Variants in THSD4 observed in about 807,000 individuals in gnomAD.
THSD4 encodes thrombospondin type-1 domain-containing protein 4.
In THSD4, 69 loss-of-function variants were observed where a neutral mutation model predicts 119.0. The ratio of observed to expected loss-of-function variants is 0.58; its 90% confidence interval spans 0.48 to 0.71. The LOEUF (loss-of-function observed/expected upper bound fraction) is 0.71, where lower values mean the gene tolerates loss of function less well. THSD4 is among the 30% of genes least tolerant of loss of function. The pLI is 0.00. For synonymous variants in THSD4, 524 were observed against 540.4 expected (o/e 0.97, Z 0.42); for missense variants, 1,393 against 1,391.1 (o/e 1.00, Z -0.02).
intron 7 of THSD4, among the ~76,000 whole-genome samples, chr15:71,570,335 G>A (rs1301530141): frequency 2.0e-5 from 3 of 152,164 alleles, no homozygotes; most frequent in African/African-American, 4.8e-5. Context: ...ATTTTTATAT[G>A]AGGAAAGTAA....
In THSD4 at chr15:71,276,592, A is replaced by G. The variant is rs145422408; in HGVS notation, c.1015+19877A>G. Among the ~76,000 whole-genome samples the G allele has an allele frequency of 3.9e-5, 6 of 152,262 alleles. No homozygotes were observed. The East Asian group carries it at 5.8e-4, about 15-fold the overall frequency. On this transcript the variant is annotated intron_variant, in intron 6 of 17. Transcript: ENST00000261862. ...TCTTTGCCAGTTCTATGGTTTTTCAATCTTTCCAATCATGGTTACCTAGGT... is the reference window on the plus strand; with the variant it reads ...TCTTTGCCAGTTCTATGGTTTTTCAGTCTTTCCAATCATGGTTACCTAGGT...
At chr15:71,370,392 C>A (rs1026561108) in intron 6 of THSD4, among the ~76,000 whole-genome samples, 2 of 152,178 alleles carry the variant, frequency 1.3e-5, no homozygotes, top group Non-Finnish European at 2.9e-5. Flanking sequence ...AATTTTAGAT[C>A]TTTCCTCCTT....
intron 14 of THSD4, among the ~76,000 whole-genome samples, chr15:71,754,572 A>G (rs2053505828): frequency 6.6e-6 from 1 of 152,236 alleles, no homozygotes; most frequent in Admixed American, 6.5e-5. Context: ...CCAGATTTCT[A>G]ATAGCAATCT....
At chr15:71,353,799 G>A (rs73437556) in intron 6 of THSD4, among the ~76,000 whole-genome samples, 228 of 152,354 alleles carry the variant, frequency 1.5e-3, no homozygotes, top group African/African-American at 5.3e-3. Context: ...ATCAGACTTG[G>A]TGTTCAAATG....
At chr15:71,515,828 A>G (rs1052502345) in intron 7 of THSD4, among the ~76,000 whole-genome samples, 3 of 152,148 alleles carry the variant, frequency 2.0e-5, no homozygotes, top group Non-Finnish European at 2.9e-5. Context: ...CATTGCCGGA[A>G]AGTGGGTGTT....
upstream of THSD4, chr15:71,110,654 C>T (rs1191909656): frequency 1.2e-5 from 2 of 160,332 alleles, no homozygotes; most frequent in Non-Finnish European, 2.8e-5. Context: ...CTGCTCTAGC[C>T]AGTGTCCTGT....
chr15:71,777,753 T>A lies in THSD4; in HGVS notation c.*379T>A, dbSNP rs1053532115. The A allele has an allele frequency of 4.0e-6, 1 of 247,812 alleles. No individual in the cohort carries two copies. The highest frequency in any genetic ancestry group is 8.1e-6 in the Non-Finnish European group (1 of 123,900). 15.4% of individuals were successfully genotyped at this position (247,812 alleles called of 1,614,324 possible). On this transcript the variant is annotated 3_prime_UTR_variant, in exon 18 of 18. Transcript: ENST00000261862. ...ACTGCCCCGTCCCTGGTGCTACTGG[T>A]CTTTCTAAACTTAGCACCCTGGAGA... is the stretch of plus-strand genomic sequence containing the variant.
intron 7 of THSD4, among the ~76,000 whole-genome samples, chr15:71,499,107 A>G (rs12102051): frequency 0.029 from 4,371 of 152,228 alleles, 203 homozygotes; most frequent in African/African-American, 0.099. Flanking sequence ...GGCATTGATC[A>G]GATGGGTCCT....
upstream of THSD4, chr15:71,114,790 G>A: frequency 6.6e-6 from 1 of 152,106 alleles, no homozygotes; most frequent in East Asian, 1.9e-4. Context: ...CTCTGAATAA[G>A]ACAAGAAAGA....
intron 8 of THSD4, among the ~76,000 whole-genome samples, chr15:71,695,356 T>C (rs1320373961): frequency 1.3e-5 from 2 of 151,872 alleles, no homozygotes; most frequent in Admixed American, 1.3e-4. Context: ...TGTTTGTGTA[T>C]GTATGAGTGT....
At chr15:71,343,276 T>C (rs912660043) in intron 6 of THSD4, among the ~76,000 whole-genome samples, 1 of 152,174 alleles carries the variant, frequency 6.6e-6, no homozygotes, top group African/African-American at 2.4e-5. Flanking sequence ...TAGATGGATA[T>C]GTTAGATGAA....
At chr15:71,418,959 T>A (rs2046783848) in intron 7 of THSD4, among the ~76,000 whole-genome samples, 1 of 108,274 alleles carries the variant, frequency 9.2e-6, no homozygotes, top group Non-Finnish European at 2.0e-5. Context: ...TTTATTGACA[T>A]ATAGTTGCTT....
intron 6 of THSD4, among the ~76,000 whole-genome samples, chr15:71,310,566 C>CA: frequency 6.6e-6 from 1 of 152,296 alleles, no homozygotes. Context: ...GGAAACTCAG[C>CA]AGGGCCTGCC....
At chr15:71,561,901 CACACACACACACACACACAA>C (rs57995483) in intron 7 of THSD4, among the ~76,000 whole-genome samples, 9,314 of 62,690 alleles carry the variant, frequency 0.15, 484 homozygotes, top group South Asian at 0.16. Context: ...CACACACACA[CACACACACACACACACACAA>C]ACACTCACTC....
At chr15:71,398,371 A>G (rs1183053009) in intron 6 of THSD4, among the ~76,000 whole-genome samples, 1 of 152,008 alleles carries the variant, frequency 6.6e-6, no homozygotes, top group East Asian at 1.9e-4. Flanking sequence ...TGACCTGAAG[A>G]AGGAAGGTTT....
chr15:71,667,959 AC>A (rs1229208056), intron 8 of THSD4, among the ~76,000 whole-genome samples: 10 of 152,122 alleles, frequency 6.6e-5, no homozygotes, highest in African/African-American at 2.4e-4. Flanking sequence ...TACTATACAT[AC>A]TTTTTGCAAT....
In THSD4 at chr15:71,416,345, G is replaced by A. The variant is rs530865224; in HGVS notation, c.1152+4522G>A. On this transcript the variant is annotated intron_variant, in intron 7 of 17. Transcript: ENST00000261862. Reference sequence around the variant, plus strand: ...CTGATTTCTTTTCTTTGGGGTATATGCCTACCAGTGAGACTGCTGGATCAC... The same window carrying A: ...CTGATTTCTTTTCTTTGGGGTATATACCTACCAGTGAGACTGCTGGATCAC... 1.2e-4 allele frequency among the ~76,000 whole-genome samples: 5 copies of A among 41,468 alleles called. 2 individuals are homozygous for A. In the East Asian group the frequency reaches 4.5e-3, roughly 38 times the overall value. The allele number at this position is 41,468 out of a possible 152,430, so 27.2% of individuals were successfully genotyped here. A position where few individuals can be genotyped will look rare whatever the true frequency, so the allele number is the denominator to read the frequency against.
chr15:71,571,183 T>C (rs372124215), intron 7 of THSD4, among the ~76,000 whole-genome samples: 6 of 152,152 alleles, frequency 3.9e-5, no homozygotes, highest in African/African-American at 1.4e-4. Context: ...GCACCAGAAG[T>C]TGGAACTAGA....
At chr15:71,408,558 A>G (rs1464302086) in intron 6 of THSD4, among the ~76,000 whole-genome samples, 1 of 152,124 alleles carries the variant, frequency 6.6e-6, no homozygotes, top group Non-Finnish European at 1.5e-5. Context: ...GAGGAATTTT[A>G]AAGGAGGTGG....
Sources: gnomAD v4.1 joint callset for allele counts (sites outside exome capture counted in the v4.1 genomes callset) on GRCh38, gnomAD v4.1.1 for gene constraint, MANE v1.5 for transcripts, NCBI Gene and HGNC (gene_info 2026-07-23, HGNC 2026-07-21) for gene names.